CASP1: variants seen among roughly 807,000 people sequenced by gnomAD.
The protein encoded by CASP1 is caspase-1.
CASP1 carries 31 observed loss-of-function variants against 41.2 expected under a neutral mutation model. The observed-to-expected ratio is 0.75, with a 90% CI of 0.57 to 1.02. CASP1 has a LOEUF of 1.02. CASP1 is among the 50% of genes least tolerant of loss of function. The pLI is 0.00. For missense variants in CASP1, 490 were observed against 495.7 expected (o/e 0.99, Z 0.11); for synonymous variants, 163 against 166.5 (o/e 0.98, Z 0.16).
rs566198290 is a variant in CASP1 at position 105,027,718 on chromosome 11, G to A, written c.1007-767C>T. 2.0e-5 allele frequency among the ~76,000 whole-genome samples: 3 copies of A among 152,152 alleles called. No individual in the cohort carries two copies. The South Asian group carries it at 6.2e-4, about 32-fold the overall frequency. ...AGAAACCCAGCTATCTCAGCTAAATGAAGCCTTTAACTGAGACTTGTTCTA... is the reference window on the plus strand; with the variant it reads ...AGAAACCCAGCTATCTCAGCTAAATAAAGCCTTTAACTGAGACTTGTTCTA... On this transcript the variant is annotated intron_variant, in intron 7 of 8. Transcript: ENST00000533400.
chr11:105,032,123 T>C (rs1863734403), intron 3 of CASP1, among the ~76,000 whole-genome samples: 1 of 152,178 alleles, frequency 6.6e-6, no homozygotes. Context: ...AAAAATAATA[T>C]TTAATTTTAA....
chr11:105,026,883 C>A lies in CASP1; in HGVS notation c.1075G>T (p.Glu359Ter). The change falls in exon 8 of 9, where the codon GAA becomes TAA. Residue 359 changes from glutamate (E) to a stop codon, truncating the protein, a stop_gained. Coordinates refer to ENST00000533400, the MANE Select transcript of CASP1 (RefSeq NM_001257118.3). LOFTEE classifies it low-confidence loss of function (END_TRUNC). ...TCCACATCACAGGAACAGGCATATT[C>A]TTGCATATGTTCAATGAGTCTTCCA... ...FIGRLIEHMQEYACSCDVEEI... is the reference protein window; with the variant it reads ...FIGRLIEHMQ 6.2e-7 allele frequency: 1 copy of A among 1,611,126 alleles called. No individual in the cohort carries two copies. Among genetic ancestry groups the A allele is most frequent in the Non-Finnish European group, 8.5e-7 (1 of 1,177,450 alleles).
intron 3 of CASP1, among the ~76,000 whole-genome samples, chr11:105,032,690 G>A (rs1052847142): frequency 6.6e-6 from 1 of 152,148 alleles, no homozygotes; most frequent in Non-Finnish European, 1.5e-5. Flanking sequence ...TGGTGACGGT[G>A]GCACCAATAA....
intron 1 of CASP1, chr11:105,034,806 AG>A: frequency 1.7e-6 from 1 of 595,738 alleles, no homozygotes. Flanking sequence ...CACTGCTGCT[AG>A]TACTCCTCCT....
At position 105,033,115 on chromosome 11, in the gene CASP1, C is replaced by T. The variant is rs779479205; in HGVS notation, c.286G>A (p.Gly96Arg). ...GAGTCTTGCATATTAAGGTAATTTC[C>T]AGATGTTTGATCTATGAAAAGATAA... The part of the protein sequence containing the change: ...TLGLSADQTS[G>R]NYLNMQDSQG... Residue 96 changes from glycine (G) to arginine (R), a missense_variant, in exon 3 of 9, where the codon GGA (glycine) becomes AGA (arginine). By Grantham distance (125) the Gly-to-Arg change is moderately radical. Transcript: ENST00000533400. 3.8e-6 allele frequency: 6 copies of T among 1,576,626 alleles called. No individual in the cohort carries two copies. The highest frequency in any genetic ancestry group is 5.2e-6 in the Non-Finnish European group (6 of 1,148,606).
chr11:105,030,546 A>G lies in CASP1; in HGVS notation c.454-43T>C, dbSNP rs1244029770. 9 of 1,547,988 alleles carry G rather than the reference A, an allele frequency of 5.8e-6. No individual in the cohort carries two copies. The Admixed American group carries it at 7.1e-5, about 12-fold the overall frequency. Reference sequence around the variant, plus strand: ...TGAATGAACAGCCTTGTTCTTTCCAATTAAATATTTCCCTTCCTGGTTTAT... The same window carrying G: ...TGAATGAACAGCCTTGTTCTTTCCAGTTAAATATTTCCCTTCCTGGTTTAT... On this transcript the variant is annotated intron_variant, in intron 4 of 8. Coordinates refer to ENST00000533400, the MANE Select transcript of CASP1 (RefSeq NM_001257118.3).
At chr11:105,034,853 T>G (rs1415907371) in intron 1 of CASP1, among the ~76,000 whole-genome samples, 1 of 152,194 alleles carries the variant, frequency 6.6e-6, no homozygotes, top group East Asian at 1.9e-4. Flanking sequence ...ACTTTCAACA[T>G]GTAAGTAAGA....
intron 8 of CASP1, chr11:105,026,624 C>T: frequency 8.3e-6 from 5 of 599,718 alleles, no homozygotes; most frequent in Admixed American, 3.0e-5. Context: ...AGGGCAGGAG[C>T]GGGGTGAAAC....
At chr11:105,027,303 G>T (rs1042297418) in intron 7 of CASP1, 9 of 378,404 alleles carry the variant, frequency 2.4e-5, no homozygotes, top group Admixed American at 4.2e-5. Flanking sequence ...TCTACATGGG[G>T]TAATTATATT....
At position 105,029,807 on chromosome 11, in the gene CASP1, C is replaced by T. The variant is rs1421114020; in HGVS notation, c.720G>A (p.Arg240=). 1.2e-6 allele frequency: 2 copies of T among 1,613,610 alleles called. No homozygotes were observed. Among genetic ancestry groups the T allele is most frequent in the Non-Finnish European group, 8.5e-7 (1 of 1,179,770 alleles). The change falls in exon 6 of 9, where the codon CGG becomes CGA. Residue 240 remains arginine (R), a synonymous_variant. Transcript: ENST00000533400. ...TFLVFMSHGI[R]EGICGKKHSE... ...AGTGTTTCTTCCCACAAATGCCTTC[C>T]CGAATACCATGAGACATGAACACCA...
At position 105,027,361 on chromosome 11, in the gene CASP1, A is replaced by G. The variant is rs573172184; in HGVS notation, c.1007-410T>C. On this transcript the variant is annotated intron_variant, in intron 7 of 8. Coordinates refer to ENST00000533400, the MANE Select transcript of CASP1 (RefSeq NM_001257118.3). The stretch of plus-strand genomic sequence containing the variant: ...TTCATAAAAGATTAATCGAAATTAA[A>G]TAACATTGACAGTAAGATATTTACA... Among the ~76,000 whole-genome samples the G allele has an allele frequency of 4.3e-4, 59 of 136,078 alleles. No individual in the cohort carries two copies. The East Asian group carries it at 0.011, about 25-fold the overall frequency. The allele number at this position is 136,078 out of a possible 152,430, so 89.3% of individuals were successfully genotyped here.
chr11:105,031,417 A>T, intron 3 of CASP1, 137 bp from the exon 4 acceptor site: 1 of 518,110 alleles, frequency 1.9e-6, no homozygotes, highest in Non-Finnish European at 3.5e-6. Context: ...TACATCATTA[A>T]CACAGCTGAG....
chr11:105,032,090 A>G (rs1465456460), intron 3 of CASP1, among the ~76,000 whole-genome samples: 1 of 152,210 alleles, frequency 6.6e-6, no homozygotes, highest in Non-Finnish European at 1.5e-5. Flanking sequence ...TGTGTGGAGG[A>G]TCTTTTAGAA....
chr11:105,026,829 A>G lies in CASP1; in HGVS notation c.1116+13T>C. The G allele has an allele frequency of 7.5e-7, 1 of 1,327,394 alleles. No individual in the cohort carries two copies. The highest frequency in any genetic ancestry group is 1.2e-5 in the South Asian group (1 of 85,342). The allele number at this position is 1,327,394 out of a possible 1,614,324, so 82.2% of individuals were successfully genotyped here. ...GGGAAGTAGAGTGAAAATAGCATCC[A>G]CTAGCATCTTACCTTGCGGAAAATT... On this transcript the variant is annotated intron_variant, in intron 8 of 8. Transcript: ENST00000533400.
chr11:105,035,616 C>CTTTTTTTTTTTTTTTTTTTTTTTTT (rs770202897), upstream of CASP1, among the ~76,000 whole-genome samples: 6 of 52,056 alleles, frequency 1.2e-4, 1 homozygote, highest in African/African-American at 1.0e-4. Flanking sequence ...TTTTTTCTTT[C>CTTTTTTTTTTTTTTTTTTTTTTTTT]TGTTTTTTTT....
intron 1 of CASP1, 30 bp downstream of exon 1, chr11:105,035,077 G>A (rs757290519): frequency 1.9e-6 from 3 of 1,612,448 alleles, no homozygotes; most frequent in Admixed American, 1.7e-5. Flanking sequence ...TCTTCCCAGG[G>A]ACCTGTTCTT....
chr11:105,034,212 T>C lies in CASP1; in HGVS notation c.270A>G (p.Ser90=), dbSNP rs1289965768. Residue 90 remains serine, a synonymous_variant, in exon 2 of 9, where the codon TCA becomes TCG. Transcript: ENST00000533400. The part of the protein sequence containing the change: ...DSYLAGTLGL[S]ADQTSGNYLN... ...GTGTAAGTCACTGACCCTTACCTGC[T>C]GAGAGTCCCAGCGTCCCTGCCAGGT... The C allele has an allele frequency of 1.9e-6, 3 of 1,613,980 alleles. No homozygotes were observed. The highest frequency in any genetic ancestry group is 1.7e-5 in the Admixed American group (1 of 59,988).
At chr11:105,036,074 G>T (rs1864006102), upstream of CASP1, among the ~76,000 whole-genome samples, 1 of 152,104 alleles carries the variant, frequency 6.6e-6, no homozygotes, top group Admixed American at 6.6e-5. Flanking sequence ...TTTATTAATA[G>T]TATGTACCTA....
At position 105,033,674 on chromosome 11, in the gene CASP1, G is replaced by A. The variant is rs191347472; in HGVS notation, c.274+534C>T. On this transcript the variant is annotated intron_variant, in intron 2 of 8. Coordinates refer to ENST00000533400, the MANE Select transcript of CASP1 (RefSeq NM_001257118.3). ...CAAAGAAAATACAAGGAGGCAACTG[G>A]AGGAATGAGCCCATTAGAAATCTTC... is the stretch of plus-strand genomic sequence containing the variant. Among the ~76,000 whole-genome samples the A allele has an allele frequency of 1.8e-3, 276 of 152,322 alleles. 1 individual carries two copies. The highest frequency in any genetic ancestry group is 6.2e-3 in the African/African-American group (257 of 41,576).
Sources: gnomAD v4.1 joint callset for allele counts (sites outside exome capture counted in the v4.1 genomes callset) on GRCh38, gnomAD v4.1.1 for gene constraint, MANE v1.5 for transcripts, NCBI Gene and HGNC (gene_info 2026-07-23, HGNC 2026-07-21) for gene names.